The following CDKAL1 variants were observed in gnomAD, a reference collection of about 807,000 sequenced individuals.
The protein encoded by CDKAL1 is threonylcarbamoyladenosine tRNA methylthiotransferase.
Under a neutral mutation model 68.2 loss-of-function variants are expected in CDKAL1, and 32 were observed. The observed-to-expected ratio is 0.47, with a 90% CI of 0.35 to 0.63. The LOEUF is 0.63. Ranked by LOEUF, CDKAL1 falls within the 30% of genes least tolerant of loss-of-function variation. The pLI, the probability that CDKAL1 is intolerant of heterozygous loss-of-function variation, is 0.00. For missense variants in CDKAL1, 606 were observed against 696.7 expected (o/e 0.87, Z 1.47); for synonymous variants, 234 against 244.3 (o/e 0.96, Z 0.39).
At chr6:21,132,146 T>C (rs887939501) in intron 13 of CDKAL1, among the ~76,000 whole-genome samples, 1 of 152,140 alleles carries the variant, frequency 6.6e-6, no homozygotes, top group Non-Finnish European at 1.5e-5. Context: ...CTTCTGGAAA[T>C]CTATTTTGAG....
At chr6:21,187,021 A>T (rs1204559147) in intron 13 of CDKAL1, among the ~76,000 whole-genome samples, 2 of 152,210 alleles carry the variant, frequency 1.3e-5, no homozygotes, top group African/African-American at 4.8e-5. Context: ...GCCTGTATTC[A>T]GTATAGAAAT....
At chr6:20,741,284 A>G (rs1277287684) in intron 6 of CDKAL1, among the ~76,000 whole-genome samples, 2 of 151,942 alleles carry the variant, frequency 1.3e-5, no homozygotes, top group Non-Finnish European at 2.9e-5. Flanking sequence ...TTTCTATTTA[A>G]TCCCACACCT....
intron 9 of CDKAL1, among the ~76,000 whole-genome samples, chr6:20,883,995 T>C (rs1271330736): frequency 6.6e-6 from 1 of 152,180 alleles, no homozygotes; most frequent in African/African-American, 2.4e-5. Flanking sequence ...GAGGTCAGCA[T>C]ACCAAAGCTA....
rs1420655476 is a variant in CDKAL1 at position 20,677,189 on chromosome 6, G to A, written c.371+27812G>A. Among the ~76,000 whole-genome samples the A allele has an allele frequency of 4.6e-5, 7 of 151,924 alleles. No individual in the cohort carries two copies. The East Asian group carries it at 9.7e-4, about 21-fold the overall frequency. On this transcript the variant is annotated intron_variant, in intron 5 of 15. Transcript: ENST00000274695. ...AGGTTCAAGCGATTCTCCTGCCTCA[G>A]CCTCCCTAGTAGTTGGGATTACAGA...
rs1176413921 is a variant in CDKAL1 at position 20,631,215 on chromosome 6, G to A, written c.287-18078G>A. On this transcript the variant is annotated intron_variant, in intron 4 of 15. Coordinates refer to ENST00000274695, the MANE Select transcript of CDKAL1 (RefSeq NM_017774.3). ...ACCTTCTAGATGATTTTTACCTCTGGTGTACAACTGTCCTCCCTACCCCAG... is the reference window on the plus strand; with the variant it reads ...ACCTTCTAGATGATTTTTACCTCTGATGTACAACTGTCCTCCCTACCCCAG... Among the ~76,000 whole-genome samples the A allele has an allele frequency of 2.6e-5, 4 of 152,096 alleles. No homozygotes were observed. The East Asian group carries it at 7.7e-4, about 29-fold the overall frequency.
intron 4 of CDKAL1, among the ~76,000 whole-genome samples, chr6:20,576,553 C>G (rs149506225): frequency 4.9e-4 from 74 of 152,284 alleles, no homozygotes; most frequent in African/African-American, 1.7e-3. Flanking sequence ...TTCAAGTCTT[C>G]TGCATTTTCA....
chr6:20,787,584 T>C (rs1044848371), intron 8 of CDKAL1, among the ~76,000 whole-genome samples: 32 of 152,162 alleles, frequency 2.1e-4, no homozygotes, highest in South Asian at 2.1e-4. Context: ...AATCAAACTT[T>C]GTATGAAAGG....
chr6:20,552,045 A>AT (rs985745306), intron 4 of CDKAL1, among the ~76,000 whole-genome samples: 4 of 151,666 alleles, frequency 2.6e-5, no homozygotes, highest in African/African-American at 9.7e-5. Flanking sequence ...AGGAAAAAAA[A>AT]AAAAAAAAGG....
At chr6:21,057,871 AAG>A (rs1770922838) in intron 11 of CDKAL1, among the ~76,000 whole-genome samples, 1 of 152,172 alleles carries the variant, frequency 6.6e-6, no homozygotes, top group Non-Finnish European at 1.5e-5. Flanking sequence ...GCTGTGGTCT[AAG>A]AGACTGTTTG....
chr6:20,864,322 C>G (rs1453043340), intron 9 of CDKAL1, among the ~76,000 whole-genome samples: 2 of 132,714 alleles, frequency 1.5e-5, no homozygotes, highest in African/African-American at 5.6e-5. Flanking sequence ...TTTAAAATAG[C>G]TTACTTTGAG....
At chr6:20,991,490 T>C (rs1766796043) in intron 10 of CDKAL1, among the ~76,000 whole-genome samples, 1 of 151,792 alleles carries the variant, frequency 6.6e-6, no homozygotes, top group Admixed American at 6.6e-5. Flanking sequence ...GGTGGGTCAT[T>C]TGAGGTCACG....
intron 4 of CDKAL1, among the ~76,000 whole-genome samples, chr6:20,624,487 A>G (rs1767340975): frequency 6.6e-6 from 1 of 151,980 alleles, no homozygotes; most frequent in African/African-American, 2.4e-5. Flanking sequence ...CTGCTGCACC[A>G]TTTTATATAC....
chr6:20,887,559 A>G (rs1761131329), intron 9 of CDKAL1, among the ~76,000 whole-genome samples: 1 of 151,176 alleles, frequency 6.6e-6, no homozygotes, highest in Non-Finnish European at 1.5e-5. Context: ...AGCATTACAC[A>G]AAAAAAGTGC....
At chr6:20,749,079 A>C (rs1773802080) in intron 6 of CDKAL1, among the ~76,000 whole-genome samples, 2 of 152,142 alleles carry the variant, frequency 1.3e-5, no homozygotes, top group Admixed American at 1.3e-4. Context: ...AGAGATAGTA[A>C]AACCCCAGCC....
intron 5 of CDKAL1, among the ~76,000 whole-genome samples, chr6:20,657,516 G>A (rs1769080574): frequency 6.6e-6 from 1 of 151,976 alleles, no homozygotes; most frequent in South Asian, 2.1e-4. Context: ...TTTAAATTAT[G>A]CATCACATCA....
chr6:20,845,113 TAA>T (rs1028908677), intron 8 of CDKAL1, among the ~76,000 whole-genome samples: 43 of 152,374 alleles, frequency 2.8e-4, no homozygotes, highest in African/African-American at 9.9e-4. Context: ...CACATATTCA[TAA>T]AATTACACAT....
chr6:21,120,118 A>G (rs182887576), intron 13 of CDKAL1, among the ~76,000 whole-genome samples: 1 of 152,358 alleles, frequency 6.6e-6, no homozygotes, highest in Admixed American at 6.5e-5. Flanking sequence ...TGCTCATATA[A>G]TTCACTTCCA....
chr6:20,947,103 T>C (rs920947852), intron 9 of CDKAL1, among the ~76,000 whole-genome samples: 3 of 152,086 alleles, frequency 2.0e-5, no homozygotes, highest in Non-Finnish European at 4.4e-5. Context: ...AATGAATGAA[T>C]GAATGAATGA....
chr6:21,012,875 T>G (rs1768099672), intron 11 of CDKAL1, among the ~76,000 whole-genome samples: 1 of 152,242 alleles, frequency 6.6e-6, no homozygotes, highest in Non-Finnish European at 1.5e-5. Context: ...CAGTAGCGGC[T>G]GTGCAGACCA....
Sources: allele counts gnomAD v4.1 joint callset (sites outside exome capture counted in the v4.1 genomes callset), GRCh38; gene constraint gnomAD v4.1.1; transcripts MANE v1.5; gene names NCBI Gene and HGNC (gene_info 2026-07-23, HGNC 2026-07-21).